AHNAK: variants seen among roughly 807,000 people sequenced by gnomAD.
AHNAK encodes AHNAK nucleoprotein.
Under a neutral mutation model 37.8 loss-of-function variants are expected in AHNAK, and 23 were observed. That is an observed-to-expected ratio of 0.61 (90% CI 0.44 to 0.86). The LOEUF (loss-of-function observed/expected upper bound fraction) is 0.86. Ranked by LOEUF, AHNAK falls within the 40% of genes least tolerant of loss-of-function variation. The pLI, the probability that AHNAK is intolerant of heterozygous loss-of-function variation, is 0.00. For missense variants in AHNAK, 7,411 were observed against 7,319.4 expected (o/e 1.01, Z -0.46); for synonymous variants, 2,481 against 2,636.3 (o/e 0.94, Z 1.80).
downstream of AHNAK, among the ~76,000 whole-genome samples, chr11:62,515,118 T>A (rs1284904478): frequency 6.6e-6 from 1 of 152,048 alleles, no homozygotes; most frequent in Admixed American, 6.5e-5. Context: ...CACCCCCACA[T>A]ACTGTCAACA....
chr11:62,541,811 G>C (rs1477856267), intron 1 of AHNAK: 1 of 152,182 alleles, frequency 6.6e-6, no homozygotes, highest in African/African-American at 2.4e-5. Flanking sequence ...GCAAGCCCAG[G>C]AGTCTCTGAC....
chr11:62,521,156 T>A lies in AHNAK; in HGVS notation c.13261A>T (p.Ile4421Leu). Residue 4421 changes from isoleucine to leucine, a missense_variant, in exon 5 of 5, where the codon ATA (isoleucine) becomes TTA (leucine). Ile to Leu is a conservative substitution (Grantham distance 5). Coordinates refer to ENST00000378024, the MANE Select transcript of AHNAK (RefSeq NM_001620.3). ...EGDLKGPEID[I>L]KGPSLDIDTP... ...TCAATGTCCAAACTGGGGCCTTTTA[T>A]GTCAATTTCAGGGCCCTTGAGATCA... 6.2e-7 allele frequency: 1 copy of A among 1,613,958 alleles called. No homozygotes were observed. The highest frequency in any genetic ancestry group is 8.5e-7 in the Non-Finnish European group (1 of 1,179,988).
intron 4 of AHNAK, among the ~76,000 whole-genome samples, chr11:62,501,857 G>A (rs996264123): frequency 2.0e-5 from 3 of 152,194 alleles, no homozygotes; most frequent in Non-Finnish European, 2.9e-5. Context: ...AGCCAGCCCC[G>A]CATTGCTGCA....
chr11:62,493,011 C>CTTTTTTTTTTTTTTTTTT (rs960994580), intron 4 of AHNAK, among the ~76,000 whole-genome samples: 4 of 133,324 alleles, frequency 3.0e-5, no homozygotes, highest in Non-Finnish European at 6.5e-5. Flanking sequence ...CTTTTCTTTT[C>CTTTTTTTTTTTTTTTTTT]TTTTTTTTTT....
At chr11:62,455,861 C>T (rs1340406642) in intron 5 of AHNAK, among the ~76,000 whole-genome samples, 1 of 147,280 alleles carries the variant, frequency 6.8e-6, no homozygotes, top group African/African-American at 2.5e-5. Flanking sequence ...AAATCTCCAT[C>T]CCCCCAAAAA....
rs115607275 is a variant in AHNAK, at chr11:62,520,553, G to T, written c.13864C>A (p.Leu4622Ile). 4 of 1,614,030 alleles carry T rather than the reference G, an allele frequency of 2.5e-6. No individual in the cohort carries two copies. In the African/African-American group the frequency reaches 5.3e-5, roughly 22 times the overall value. The change falls in exon 5 of 5, where the codon CTC becomes ATC. Residue 4622 changes from leucine to isoleucine, a missense_variant. Physicochemically the swap from Leu to Ile is conservative, Grantham distance 5. Coordinates refer to ENST00000378024, the MANE Select transcript of AHNAK (RefSeq NM_001620.3). ...CTGATGTCAACTTCGGGGCCCTTGA[G>T]GTCGCCTTCCACTTTGGGCAGAGAA... Reference protein sequence around the residue: ...DISLPKVEGDLKGPEVDIRDP... With the variant: ...DISLPKVEGDIKGPEVDIRDP...
chr11:62,536,074 C>G lies in AHNAK; in HGVS notation c.25G>C (p.Glu9Gln). Reference sequence around the variant, plus strand: ...CCCTGCCAGTTGGGCAGCAGCAGCTCCCGGGTTGTCTCCTCCTTCTCCATC... The same window carrying G: ...CCCTGCCAGTTGGGCAGCAGCAGCTGCCGGGTTGTCTCCTCCTTCTCCATC... MEKEETTR[E>Q]LLLPNWQGSG... is the part of the protein sequence containing the mutation. The change falls in exon 3 of 5, where the codon GAG becomes CAG. Residue 9 changes from glutamate to glutamine, a missense_variant. By Grantham distance (29) the Glu-to-Gln change is conservative. Transcript: ENST00000378024. 1 of 1,593,596 alleles carries G rather than the reference C, an allele frequency of 6.3e-7. No homozygotes were observed. The highest frequency in any genetic ancestry group is 8.6e-7 in the Non-Finnish European group (1 of 1,169,516).
Position 62,521,342 on chromosome 11 carries a change from C to T in AHNAK, c.13075G>A (p.Val4359Ile), listed in dbSNP as rs1273358062. The change falls in exon 5 of 5, where the codon GTC (valine) becomes ATC (isoleucine). Residue 4359 changes from valine (V) to isoleucine (I), a missense_variant. Val to Ile is a conservative substitution (Grantham distance 29, BLOSUM62 3). Coordinates refer to ENST00000378024, the MANE Select transcript of AHNAK (RefSeq NM_001620.3). The stretch of plus-strand genomic sequence containing the variant: ...TTTGCATCTGGACCTTCGATACTGA[C>T]ATCAGGGGCATCAATGTCCACTTTG... ...GPKVDIDAPD[V>I]SIEGPDAKLK... 4.3e-6 allele frequency: 7 copies of T among 1,613,330 alleles called. No individual in the cohort carries two copies. The Admixed American group carries it at 1.2e-4, about 27-fold the overall frequency.
rs111317293 is a variant in AHNAK, at chr11:62,528,047, A to T, written c.6370T>A (p.Leu2124Ile). The T allele has an allele frequency of 6.2e-7, 1 of 1,613,712 alleles. No individual in the cohort carries two copies. The highest frequency in any genetic ancestry group is 1.7e-5 in the Admixed American group (1 of 59,986). The change falls in exon 5 of 5, where the codon TTA (leucine) becomes ATA (isoleucine). Residue 2124 changes from leucine to isoleucine, a missense_variant. By Grantham distance (5) the Leu-to-Ile change is conservative. Coordinates refer to ENST00000378024, the MANE Select transcript of AHNAK (RefSeq NM_001620.3). ...TTGACTTTGGGGCCTTTCAAGTGTAAGTCCACATCAGGCATGGAGATCTTG... is the reference window on the plus strand; with the variant it reads ...TTGACTTTGGGGCCTTTCAAGTGTATGTCCACATCAGGCATGGAGATCTTG... ...APKISMPDVD[L>I]HLKGPKVKGD...
rs146691969 is a variant in AHNAK at position 62,465,362 on chromosome 11, C to T, written c.442+26370G>A. ...GGGCATGGTGGCTCACGCCTGTAAT[C>T]CCAGCACTTTGGGAGGCCGAGGTGG... On this transcript the variant is annotated intron_variant, in intron 5 of 5. Coordinates refer to the AHNAK transcript ENST00000257247. 1.4e-3 allele frequency among the ~76,000 whole-genome samples: 210 copies of T among 152,302 alleles called. 2 individuals carry two copies. Among genetic ancestry groups the T allele is most frequent in the African/African-American group, 4.7e-3 (194 of 41,562 alleles).
intron 5 of AHNAK, among the ~76,000 whole-genome samples, chr11:62,476,766 G>A (rs113705123): frequency 2.6e-5 from 4 of 152,266 alleles, no homozygotes; most frequent in African/African-American, 7.2e-5. Flanking sequence ...ACCGGTGGTT[G>A]GACCAAGAGA....
chr11:62,441,132 C>G (rs1938296928), intron 5 of AHNAK, among the ~76,000 whole-genome samples: 1 of 151,916 alleles, frequency 6.6e-6, no homozygotes, highest in Non-Finnish European at 1.5e-5. Context: ...TCCTGAGTAG[C>G]TGGGATTACA....
intron 4 of AHNAK, among the ~76,000 whole-genome samples, chr11:62,495,831 T>C (rs567875613): frequency 6.0e-4 from 90 of 150,632 alleles, no homozygotes; most frequent in Non-Finnish European, 1.0e-3. Flanking sequence ...GTTGAATTAT[T>C]TGAGGCCAGA....
chr11:62,474,747 C>G (rs1939108195), intron 5 of AHNAK, among the ~76,000 whole-genome samples: 1 of 152,202 alleles, frequency 6.6e-6, no homozygotes, highest in African/African-American at 2.4e-5. Flanking sequence ...TGCGGACATA[C>G]ACTGAGCACC....
chr11:62,480,988 G>A (rs112305512), intron 5 of AHNAK, among the ~76,000 whole-genome samples: 2 of 151,980 alleles, frequency 1.3e-5, no homozygotes, highest in East Asian at 1.9e-4. Context: ...GTGAGTAACC[G>A]ATGAAACCCG....
intron 4 of AHNAK, among the ~76,000 whole-genome samples, chr11:62,506,013 CAAAAAAAAAA>C (rs10608015): frequency 2.3e-5 from 1 of 43,070 alleles, no homozygotes; most frequent in Admixed American, 3.7e-4. Flanking sequence ...CTGTCTCTAC[CAAAAAAAAAA>C]AAAAAAAAAA....
At chr11:62,507,923 C>T (rs151150470) in intron 4 of AHNAK, among the ~76,000 whole-genome samples, 129 of 152,298 alleles carry the variant, frequency 8.5e-4, no homozygotes, top group African/African-American at 2.9e-3. Context: ...AAGAAAGGGG[C>T]TTTGCACATA....
At chr11:62,452,257 T>G (rs945329592) in intron 5 of AHNAK, among the ~76,000 whole-genome samples, 6 of 152,214 alleles carry the variant, frequency 3.9e-5, no homozygotes, top group Non-Finnish European at 2.9e-5. Context: ...ATAGAAATAC[T>G]GTGATGTACA....
At chr11:62,544,878 G>T (rs1206901221) in intron 1 of AHNAK, among the ~76,000 whole-genome samples, 1 of 152,150 alleles carries the variant, frequency 6.6e-6, no homozygotes, top group Non-Finnish European at 1.5e-5. Context: ...CACTGCTGCA[G>T]CCCCTCACTG....
Sources: allele counts gnomAD v4.1 joint callset (sites outside exome capture counted in the v4.1 genomes callset), GRCh38; gene constraint gnomAD v4.1.1; transcripts MANE v1.5; gene names NCBI Gene and HGNC (gene_info 2026-07-23, HGNC 2026-07-21).